Variants in DYM observed in about 807,000 individuals in gnomAD.
The protein encoded by DYM is dyggve-Melchior-Clausen syndrome protein.
DYM carries 78 observed loss-of-function variants against 93.1 expected under a neutral mutation model. The observed-to-expected ratio is 0.84, with a 90% CI of 0.70 to 1.01. The LOEUF (loss-of-function observed/expected upper bound fraction) is 1.01, where lower values mean the gene tolerates loss of function less well. Ranked by LOEUF, DYM falls within the 50% of genes least tolerant of loss-of-function variation. DYM has a pLI of 0.00. For synonymous variants in DYM, 321 were observed against 319.7 expected, an observed-to-expected ratio of 1.00 and a Z score of -0.04; for missense variants, 789 against 845.0, an observed-to-expected ratio of 0.93 and a Z score of 0.82.
At chr18:49,341,649 G>A (rs946369748) in intron 6 of DYM, among the ~76,000 whole-genome samples, 26 of 152,018 alleles carry the variant, frequency 1.7e-4, no homozygotes, top group African/African-American at 6.3e-4. Flanking sequence ...CAAGCACATG[G>A]AGTTTCATTC....
At chr18:49,261,220 C>T (rs1226147189) in intron 11 of DYM, among the ~76,000 whole-genome samples, 1 of 152,110 alleles carries the variant, frequency 6.6e-6, no homozygotes, top group African/African-American at 2.4e-5. Context: ...GGCTTCCGTA[C>T]ACATATTTTC....
At chr18:49,066,660 C>G (rs898267448) in intron 17 of DYM, among the ~76,000 whole-genome samples, 1 of 152,012 alleles carries the variant, frequency 6.6e-6, no homozygotes, top group Non-Finnish European at 1.5e-5. Context: ...TACATCTGTT[C>G]GACTTTAGCA....
intron 13 of DYM, among the ~76,000 whole-genome samples, chr18:49,225,440 T>C (rs1288965087): frequency 6.6e-6 from 1 of 152,056 alleles, no homozygotes; most frequent in African/African-American, 2.4e-5. Flanking sequence ...ACAGACTGGC[T>C]GAAACACTGG....
At position 49,159,103 on chromosome 18, in the gene DYM, T is replaced by C. The variant is rs373863111; in HGVS notation, c.1728+4582A>G. Among the ~76,000 whole-genome samples the C allele has an allele frequency of 5.3e-5, 8 of 152,340 alleles. No individual in the cohort carries two copies. The East Asian group carries it at 1.5e-3, about 29-fold the overall frequency. On this transcript the variant is annotated intron_variant, in intron 15 of 17. Transcript: ENST00000675505. ...TGTATGTATATCTTTGTATTATTTA[T>C]GTACGTGTGTGTACAAAGGGGCATT...
intron 8 of DYM, among the ~76,000 whole-genome samples, chr18:49,308,704 G>C (rs2061413182): frequency 6.6e-6 from 1 of 152,088 alleles, no homozygotes; most frequent in Admixed American, 6.6e-5. Context: ...CTGACAATGG[G>C]AGACACTGGC....
At chr18:49,267,346 C>T (rs926527241) in intron 11 of DYM, among the ~76,000 whole-genome samples, 7 of 152,064 alleles carry the variant, frequency 4.6e-5, no homozygotes, top group African/African-American at 1.7e-4. Context: ...CATTTAAAAA[C>T]ATATCATGTC....
chr18:49,190,085 C>G (rs1298543470), intron 14 of DYM, among the ~76,000 whole-genome samples: 1 of 152,168 alleles, frequency 6.6e-6, no homozygotes, highest in Non-Finnish European at 1.5e-5. Flanking sequence ...AATCACAGAA[C>G]AGATAACTGT....
chr18:49,354,745 C>A (rs558161058), intron 6 of DYM, among the ~76,000 whole-genome samples: 4 of 152,156 alleles, frequency 2.6e-5, no homozygotes, highest in African/African-American at 9.6e-5. Flanking sequence ...CACATCTATT[C>A]AAATGCCAAA....
chr18:49,374,488 A>G (rs1281045692), intron 5 of DYM, among the ~76,000 whole-genome samples: 1 of 152,242 alleles, frequency 6.6e-6, no homozygotes, highest in Non-Finnish European at 1.5e-5. Context: ...AGGAAGCAGT[A>G]CCTGTTTTTC....
At chr18:49,429,753 G>A (rs1032429316) in intron 2 of DYM, among the ~76,000 whole-genome samples, 2 of 152,148 alleles carry the variant, frequency 1.3e-5, no homozygotes, top group Non-Finnish European at 2.9e-5. Flanking sequence ...GATGTATGCG[G>A]CAGTAACTGT....
intron 1 of DYM, among the ~76,000 whole-genome samples, chr18:49,448,665 C>A (rs1480896298): frequency 6.6e-6 from 1 of 152,140 alleles, no homozygotes; most frequent in Non-Finnish European, 1.5e-5. Context: ...GGGATGCCCC[C>A]ACTGCTTCCT....
intron 2 of DYM, among the ~76,000 whole-genome samples, chr18:49,424,187 AG>A (rs2074027616): frequency 1.3e-5 from 2 of 152,266 alleles, no homozygotes; most frequent in South Asian, 4.1e-4. Flanking sequence ...CACATCAAAA[AG>A]CTTATCCACC....
At chr18:49,374,941 A>G (rs2067353705) in intron 5 of DYM, among the ~76,000 whole-genome samples, 1 of 145,062 alleles carries the variant, frequency 6.9e-6, no homozygotes, top group Non-Finnish European at 1.5e-5. Context: ...CCAGGGCAAC[A>G]AAAGTGAAAC....
intron 14 of DYM, among the ~76,000 whole-genome samples, chr18:49,202,340 C>T (rs2092070323): frequency 1.3e-5 from 2 of 152,028 alleles, no homozygotes; most frequent in African/African-American, 4.8e-5. Context: ...TCTCGGCTCA[C>T]TACAACCTAC....
intron 3 of DYM, among the ~76,000 whole-genome samples, chr18:49,390,432 T>TAA (rs903814057): frequency 6.9e-6 from 1 of 145,772 alleles, no homozygotes; most frequent in African/African-American, 2.5e-5. Context: ...TCTATCTCTT[T>TAA]AAAAAAAAAA....
At chr18:49,067,667 C>T (rs2076579071) in intron 17 of DYM, among the ~76,000 whole-genome samples, 2 of 152,114 alleles carry the variant, frequency 1.3e-5, no homozygotes, top group East Asian at 3.9e-4. Flanking sequence ...GTCCATGCCA[C>T]ATGCAGGGGC....
chr18:49,084,844 C>G (rs1384566980), intron 17 of DYM, among the ~76,000 whole-genome samples: 1 of 151,990 alleles, frequency 6.6e-6, no homozygotes, highest in Non-Finnish European at 1.5e-5. Flanking sequence ...AATTGGAAAC[C>G]ACATTGTTTA....
At chr18:49,142,456 C>T (rs1227422764) in intron 15 of DYM, among the ~76,000 whole-genome samples, 1 of 152,060 alleles carries the variant, frequency 6.6e-6, no homozygotes, top group Non-Finnish European at 1.5e-5. Flanking sequence ...TTACCAATGA[C>T]TTAAGAAATG....
intron 17 of DYM, among the ~76,000 whole-genome samples, chr18:49,050,201 C>T (rs2072228612): frequency 6.6e-6 from 1 of 151,576 alleles, no homozygotes; most frequent in Middle Eastern, 3.2e-3. Context: ...ATTGTCCTGC[C>T]TCGGCCTCCC....
Sources: gnomAD v4.1 joint callset for allele counts (sites outside exome capture counted in the v4.1 genomes callset) on GRCh38, gnomAD v4.1.1 for gene constraint, MANE v1.5 for transcripts, NCBI Gene and HGNC (gene_info 2026-07-23, HGNC 2026-07-21) for gene names.